Variants in SHLD1 observed in about 807,000 individuals in gnomAD.
SHLD1 encodes RINN1-REV7-interacting novel NHEJ regulator 3.
Under a neutral mutation model 5.5 loss-of-function variants are expected in SHLD1, and 3 were observed. That is an observed-to-expected ratio of 0.54 (90% CI 0.25 to 1.40). SHLD1 has a LOEUF of 1.40. Among genes scored for constraint, SHLD1 ranks in the 40% most tolerant of loss-of-function variants. The pLI is 0.15. For missense variants in SHLD1, 210 were observed against 244.4 expected (o/e 0.86, Z 0.94); for synonymous variants, 92 against 94.3 (o/e 0.98, Z 0.14).
intron 2 of SHLD1, among the ~76,000 whole-genome samples, chr20:5,825,483 G>A (rs1253335950): frequency 4.6e-5 from 7 of 152,206 alleles, no homozygotes; most frequent in South Asian, 2.1e-4. Flanking sequence ...GTCTTTTTCC[G>A]TAAAGAGAGG....
intron 2 of SHLD1, among the ~76,000 whole-genome samples, chr20:5,827,658 A>G (rs958226196): frequency 6.6e-6 from 1 of 151,676 alleles, no homozygotes; most frequent in East Asian, 1.9e-4. Context: ...AACTTTTCAC[A>G]CCTCTTCCCT....
At chr20:5,793,635 A>G (rs1317473688) in intron 2 of SHLD1, among the ~76,000 whole-genome samples, 1 of 152,258 alleles carries the variant, frequency 6.6e-6, no homozygotes, top group African/African-American at 2.4e-5. Flanking sequence ...AGGGTAAAGT[A>G]TGAAACAAGA....
intron 2 of SHLD1, among the ~76,000 whole-genome samples, chr20:5,777,423 A>T (rs1488339666): frequency 6.6e-6 from 1 of 152,052 alleles, no homozygotes; most frequent in Non-Finnish European, 1.5e-5. Context: ...AGCTGACTGA[A>T]TCCAAAGGAA....
intron 2 of SHLD1, among the ~76,000 whole-genome samples, chr20:5,805,244 G>C (rs1471729500): frequency 2.0e-5 from 3 of 152,090 alleles, no homozygotes; most frequent in Admixed American, 2.0e-4. Flanking sequence ...CACGAACTCT[G>C]CCCTCTGGGT....
chr20:5,792,255 A>T (rs936787923), intron 2 of SHLD1, among the ~76,000 whole-genome samples: 1 of 152,144 alleles, frequency 6.6e-6, no homozygotes, highest in African/African-American at 2.4e-5. Flanking sequence ...TGTCTAAGAA[A>T]TCATTGCCAA....
chr20:5,791,889 G>A (rs1241505223), intron 2 of SHLD1, among the ~76,000 whole-genome samples: 1 of 152,122 alleles, frequency 6.6e-6, no homozygotes, highest in Non-Finnish European at 1.5e-5. Flanking sequence ...TTTTGATAGT[G>A]ACCATCCTAA....
At chr20:5,851,171 A>T (rs1293805950) in intron 2 of SHLD1, among the ~76,000 whole-genome samples, 1 of 152,200 alleles carries the variant, frequency 6.6e-6, no homozygotes, top group African/African-American at 2.4e-5. Context: ...TTGGAACCAA[A>T]GCTTTCTTAA....
chr20:5,764,401 T>C (rs375215179), intron 1 of SHLD1, among the ~76,000 whole-genome samples: 1 of 150,488 alleles, frequency 6.6e-6, no homozygotes, highest in East Asian at 2.0e-4. Context: ...AAAATGCAGA[T>C]TGTAAAGGCC....
intron 2 of SHLD1, among the ~76,000 whole-genome samples, chr20:5,830,228 C>G (rs947134221): frequency 2.6e-5 from 4 of 152,138 alleles, no homozygotes; most frequent in Admixed American, 6.6e-5. Flanking sequence ...TATACATGCC[C>G]TTTATCAGAT....
At chr20:5,835,623 G>A (rs1331595775) in intron 2 of SHLD1, among the ~76,000 whole-genome samples, 1 of 152,102 alleles carries the variant, frequency 6.6e-6, no homozygotes, top group Non-Finnish European at 1.5e-5. Context: ...GCATGTGAGT[G>A]CCAGGGCTTT....
rs202050628 is a variant in SHLD1, at chr20:5,772,934, G to C, written c.69G>C (p.Ala23=). ...GCAGTGCTTTGGACCTGCCATCAGCGTGTGACATAAGAGATTACGTCCTGC... is the reference window on the plus strand; with the variant it reads ...GCAGTGCTTTGGACCTGCCATCAGCCTGTGACATAAGAGATTACGTCCTGC... ...EESSALDLPS[A]CDIRDYVLQG... is the part of the protein sequence containing the mutation. Residue 23 remains alanine, a synonymous_variant, in exon 2 of 3, where the codon GCG becomes GCC. Transcript: ENST00000303142. 1.9e-6 allele frequency: 3 copies of C among 1,614,048 alleles called. No individual in the cohort carries two copies. The African/African-American group carries it at 4.0e-5, about 22-fold the overall frequency.
chr20:5,779,258 A>G (rs1272158466), intron 2 of SHLD1, among the ~76,000 whole-genome samples: 1 of 151,986 alleles, frequency 6.6e-6, no homozygotes, highest in African/African-American at 2.4e-5. Context: ...TGCTGTTACC[A>G]AGCAATGAAC....
Position 5,771,246 on chromosome 20 carries a change from T to C in SHLD1, c.-4-1616T>C, listed in dbSNP as rs147285842. On this transcript the variant is annotated intron_variant, in intron 1 of 2. Transcript: ENST00000303142. Reference sequence around the variant, plus strand: ...AATGTAGGTTCTATTGGTCATCTTCTTCCAGAAGAGGCCAGTTTTATTGCA... The same window carrying C: ...AATGTAGGTTCTATTGGTCATCTTCCTCCAGAAGAGGCCAGTTTTATTGCA... Among the ~76,000 whole-genome samples the C allele has an allele frequency of 4.0e-3, 603 of 152,314 alleles. 17 individuals are homozygous for C. Among genetic ancestry groups the C allele is most frequent in the Admixed American group, 0.036 (557 of 15,294 alleles).
intron 1 of SHLD1, among the ~76,000 whole-genome samples, chr20:5,759,313 A>G (rs1026481889): frequency 1.4e-5 from 2 of 147,904 alleles, no homozygotes; most frequent in Non-Finnish European, 3.0e-5. Context: ...AGGCTGGAGT[A>G]CAGTGGTGCA....
At chr20:5,782,327 A>C (rs1268490306) in intron 2 of SHLD1, among the ~76,000 whole-genome samples, 1 of 152,206 alleles carries the variant, frequency 6.6e-6, no homozygotes, top group Non-Finnish European at 1.5e-5. Context: ...CCAGTCCCAC[A>C]TGTACTGCTA....
At chr20:5,764,328 C>CT (rs1984703223) in intron 1 of SHLD1, among the ~76,000 whole-genome samples, 1 of 149,644 alleles carries the variant, frequency 6.7e-6, no homozygotes. Context: ...AACCCATTCT[C>CT]TTTAACTCCA....
At chr20:5,821,420 C>T (rs967423583) in intron 2 of SHLD1, among the ~76,000 whole-genome samples, 1 of 152,008 alleles carries the variant, frequency 6.6e-6, no homozygotes, top group Non-Finnish European at 1.5e-5. Context: ...GGTTGAGGCA[C>T]GAGAATCGCT....
intron 1 of SHLD1, among the ~76,000 whole-genome samples, chr20:5,766,430 T>G (rs1984832246): frequency 6.6e-6 from 1 of 152,192 alleles, no homozygotes; most frequent in South Asian, 2.1e-4. Flanking sequence ...CACTGTTGAT[T>G]TGTTTTAATA....
intron 2 of SHLD1, among the ~76,000 whole-genome samples, chr20:5,853,833 C>T (rs983770635): frequency 2.6e-5 from 4 of 151,558 alleles, no homozygotes. Context: ...AGCAGAGTCT[C>T]CACGTCTACT....
Sources: gnomAD v4.1 joint callset for allele counts (sites outside exome capture counted in the v4.1 genomes callset) on GRCh38, gnomAD v4.1.1 for gene constraint, MANE v1.5 for transcripts, NCBI Gene and HGNC (gene_info 2026-07-23, HGNC 2026-07-21) for gene names.